CDC7: variants seen among roughly 807,000 people sequenced by gnomAD.
CDC7 encodes the protein cell division cycle 7, also known as cell division cycle 7-related protein kinase.
In CDC7, 34 loss-of-function variants were observed where a neutral mutation model predicts 53.5. The ratio of observed to expected loss-of-function variants is 0.64; its 90% CI spans 0.48 to 0.85. CDC7 has a LOEUF of 0.85. CDC7 is among the 40% of genes least tolerant of loss of function. CDC7 has a pLI of 0.00. For synonymous variants in CDC7, 211 were observed against 222.8 expected (o/e 0.95, Z 0.47); for missense variants, 594 against 679.7 (o/e 0.87, Z 1.40).
chr1:91,515,546 T>C (rs569962605), intron 9 of CDC7, among the ~76,000 whole-genome samples: 4 of 152,360 alleles, frequency 2.6e-5, no homozygotes, highest in Admixed American at 2.6e-4. Context: ...TATCCACTAC[T>C]GCTTTTTATT....
intron 4 of CDC7, among the ~76,000 whole-genome samples, 183 bp from the exon 5 acceptor site, chr1:91,511,414 G>C (rs1481904706): frequency 1.3e-5 from 2 of 151,910 alleles, no homozygotes; most frequent in Non-Finnish European, 1.5e-5. Context: ...TGCCATTTTT[G>C]TTTTAAAAGA....
rs55787737 is a variant in CDC7, at chr1:91,518,093, C to CAAAAAAAAAAAAAAAA, written c.1181-2029_1181-2014dup. On this transcript the variant is annotated intron_variant, in intron 10 of 11. Coordinates refer to ENST00000234626, the MANE Select transcript of CDC7 (RefSeq NM_003503.4). ...TGAGCAACAGAGTGAGACTCAGTCT[C>CAAAAAAAAAAAAAAAA]AAAAAAAAAAAAAAAAAAAAAAAGG... Among the ~76,000 whole-genome samples the CAAAAAAAAAAAAAAAA allele has an allele frequency of 3.7e-4, 17 of 46,024 alleles. 1 individual carries two copies. The highest frequency in any genetic ancestry group is 1.3e-3 in the African/African-American group (15 of 11,284). 30.2% of individuals were successfully genotyped at this position (46,024 alleles called of 152,430 possible). A position where few individuals can be genotyped will look rare whatever the true frequency, so the allele number is the denominator to read the frequency against.
rs772828728 is a variant in CDC7, at chr1:91,501,674, A to T, written c.-43A>T. 7.2e-7 allele frequency: 1 copy of T among 1,393,950 alleles called. No homozygotes were observed. The highest frequency in any genetic ancestry group is 2.3e-5 in the East Asian group (1 of 43,840). 86.3% of individuals were successfully genotyped at this position (1,393,950 alleles called of 1,614,324 possible). A position where few individuals can be genotyped will look rare whatever the true frequency, so the allele number is the denominator to read the frequency against. ...CACAGCTGCTTTGCTCCCCCTGTGGATGTAACCCCTTAGCTGGCATTTTGC... is the reference window on the plus strand; with the variant it reads ...CACAGCTGCTTTGCTCCCCCTGTGGTTGTAACCCCTTAGCTGGCATTTTGC... On this transcript the variant is annotated 5_prime_UTR_variant, in exon 2 of 12. An upstream start codon of the reference 5' UTR is lost. Coordinates refer to ENST00000234626, the MANE Select transcript of CDC7 (RefSeq NM_003503.4).
At chr1:91,518,116 A>AAAAAAAAAG in intron 10 of CDC7, among the ~76,000 whole-genome samples, 1 of 149,048 alleles carries the variant, frequency 6.7e-6, no homozygotes, top group Non-Finnish European at 1.5e-5. Flanking sequence ...AAAAAAAAAA[A>AAAAAAAAAG]GGTGATACAG....
chr1:91,523,323 G>A (rs1330241797), intron 11 of CDC7, among the ~76,000 whole-genome samples: 1 of 152,136 alleles, frequency 6.6e-6, no homozygotes, highest in Non-Finnish European at 1.5e-5. Context: ...AAGGATGTAT[G>A]TGTCATTTGA....
intron 2 of CDC7, among the ~76,000 whole-genome samples, chr1:91,502,923 C>A (rs1666779098): frequency 6.6e-6 from 1 of 152,098 alleles, no homozygotes; most frequent in Non-Finnish European, 1.5e-5. Flanking sequence ...ATTTTTCCAG[C>A]AGTTAGCTGT....
intron 7 of CDC7, 105 bp downstream of exon 7, chr1:91,513,412 ACTT>A (rs1553148740): frequency 2.8e-6 from 3 of 1,061,014 alleles, no homozygotes; most frequent in Non-Finnish European, 1.3e-6. Flanking sequence ...AATTTAAAAA[ACTT>A]TTTTTTGCAT....
rs1667083637 is a variant in CDC7, at chr1:91,508,022, T to C, written c.199+85T>C. 5 of 1,157,574 alleles carry C rather than the reference T, an allele frequency of 4.3e-6. No individual in the cohort carries two copies. In the South Asian group the frequency reaches 6.3e-5, roughly 15 times the overall value. The allele number at this position is 1,157,574 out of a possible 1,614,324, so 71.7% of individuals were successfully genotyped here. On this transcript the variant is annotated intron_variant, in intron 3 of 11. Coordinates refer to ENST00000234626, the MANE Select transcript of CDC7 (RefSeq NM_003503.4). ...TTTTTAGTCTTGGTTTTCATTACTATTTCTTATTGAAAAATATACCACTTT... is the reference window on the plus strand; with the variant it reads ...TTTTTAGTCTTGGTTTTCATTACTACTTCTTATTGAAAAATATACCACTTT...
chr1:91,506,906 C>T (rs1667021721), intron 2 of CDC7, among the ~76,000 whole-genome samples: 1 of 152,098 alleles, frequency 6.6e-6, no homozygotes, highest in African/African-American at 2.4e-5. Flanking sequence ...GTGGAGATTA[C>T]ATCACTGCAC....
At chr1:91,515,670 A>C (rs1667520809) in intron 9 of CDC7, 124 bp from the exon 10 acceptor site, 11 of 1,088,250 alleles carry the variant, frequency 1.0e-5, no homozygotes, top group Non-Finnish European at 1.0e-5. Context: ...CATTTACTTT[A>C]TAGTAACACT....
In CDC7 at chr1:91,514,941, T is replaced by G. The variant is rs748926913; in HGVS notation, c.1041T>G (p.Ala347=). Residue 347 remains alanine, a synonymous_variant, in exon 9 of 12, where the codon GCT becomes GCG. Coordinates refer to ENST00000234626, the MANE Select transcript of CDC7 (RefSeq NM_003503.4). ...GGAAAACTGCCAGTTCTTGCCCAGC[T>G]AGCCTGACCTGTGACTGCTATGCAA... is the stretch of plus-strand genomic sequence containing the variant. The part of the protein sequence containing the change: ...VMRKTASSCP[A]SLTCDCYATD... 24 of 1,613,962 alleles carry G rather than the reference T, an allele frequency of 1.5e-5. No individual in the cohort carries two copies. The highest frequency in any genetic ancestry group is 1.9e-5 in the Non-Finnish European group (22 of 1,179,882).
chr1:91,525,509 C>G lies in CDC7; in HGVS notation c.*1074C>G, dbSNP rs148845712. 6.6e-6 allele frequency: 1 copy of G among 152,194 alleles called. No individual in the cohort carries two copies. Among genetic ancestry groups the G allele is most frequent in the East Asian group, 1.9e-4 (1 of 5,182 alleles). 9.4% of individuals were successfully genotyped at this position (152,194 alleles called of 1,614,324 possible). The stretch of plus-strand genomic sequence containing the variant: ...ATATCAATGACAGCATATCAAACTT[C>G]CTATGGGAAAAAGTCTGGTGGGTGG... On this transcript the variant is annotated 3_prime_UTR_variant, in exon 12 of 12. Coordinates refer to ENST00000234626, the MANE Select transcript of CDC7 (RefSeq NM_003503.4).
intron 1 of CDC7, chr1:91,501,380 T>A: frequency 3.9e-6 from 1 of 256,232 alleles, no homozygotes; most frequent in Non-Finnish European, 7.5e-6. Context: ...TCCCGCTGGC[T>A]GTGCCGGACT....
In CDC7 at chr1:91,513,130, G is replaced by C; in HGVS notation, c.645G>C (p.Gln215His). 6.2e-7 allele frequency: 1 copy of C among 1,613,612 alleles called. No homozygotes were observed. The highest frequency in any genetic ancestry group is 8.5e-7 in the Non-Finnish European group (1 of 1,179,704). Residue 215 changes from glutamine to histidine, a missense_variant, in exon 7 of 12, where the codon CAG becomes CAC. By Grantham distance (24) the Gln-to-His change is conservative. Coordinates refer to ENST00000234626, the MANE Select transcript of CDC7 (RefSeq NM_003503.4). ...AAATAGAGCTTCTTAAATTTGTCCA[G>C]TCTGAAGCTCAGCAGGAAAGGTGTT... Reference protein sequence around the residue: ...DTKIELLKFVQSEAQQERCSQ... With the variant: ...DTKIELLKFVHSEAQQERCSQ...
At chr1:91,511,552 C>T (rs1417938530) in intron 4 of CDC7, 45 bp from the exon 5 acceptor site, 3 of 1,263,318 alleles carry the variant, frequency 2.4e-6, no homozygotes, top group Non-Finnish European at 3.4e-6. Context: ...AGTTTCAGTC[C>T]CTCTGACCTT....
intron 4 of CDC7, among the ~76,000 whole-genome samples, chr1:91,511,074 G>T (rs1318583758): frequency 6.6e-6 from 1 of 152,088 alleles, no homozygotes; most frequent in Non-Finnish European, 1.5e-5. Flanking sequence ...TCTGGTTTTA[G>T]ATGCTTCTTT....
In CDC7 at chr1:91,501,842, A is replaced by T. The variant is rs761833422; in HGVS notation, c.115+11A>T. On this transcript the variant is annotated intron_variant, in intron 2 of 11. Transcript: ENST00000234626. ...ATTTTAAACTTGCAGGTACGTGTTT[A>T]AATCCAAAGATGTACAGTTATAAAG... The T allele has an allele frequency of 1.3e-6, 2 of 1,568,834 alleles. No homozygotes were observed. Among genetic ancestry groups the T allele is most frequent in the Non-Finnish European group, 1.8e-6 (2 of 1,138,774 alleles).
chr1:91,512,938 T>G, intron 6 of CDC7, 120 bp from the exon 7 acceptor site: 1 of 843,504 alleles, frequency 1.2e-6, no homozygotes, highest in Non-Finnish European at 1.8e-6. Context: ...CAGAATGTTA[T>G]AAATTCCTAA....
intron 2 of CDC7, among the ~76,000 whole-genome samples, chr1:91,507,494 A>T (rs13447487): frequency 6.6e-6 from 1 of 152,210 alleles, no homozygotes; most frequent in Non-Finnish European, 1.5e-5. Flanking sequence ...TTTCAAGAAC[A>T]TCGCAATGTG....
Sources: allele counts gnomAD v4.1 joint callset (sites outside exome capture counted in the v4.1 genomes callset), GRCh38; gene constraint gnomAD v4.1.1; transcripts MANE v1.5; gene names NCBI Gene and HGNC (gene_info 2026-07-23, HGNC 2026-07-21).